The following ATAD3A variants were observed in gnomAD, a reference collection of about 807,000 sequenced individuals.
ATAD3A encodes ATPase family AAA domain-containing protein 3A.
In ATAD3A, 46 loss-of-function variants were observed where a neutral mutation model predicts 73.8. That is an observed-to-expected ratio of 0.62 (90% CI 0.49 to 0.80). The LOEUF (loss-of-function observed/expected upper bound fraction) is 0.80. Among genes scored for constraint, ATAD3A ranks in the 30% least tolerant of loss-of-function variants. The pLI, the probability that ATAD3A is intolerant of heterozygous loss-of-function variation, is 0.00. For missense variants in ATAD3A, 705 were observed against 838.0 expected (o/e 0.84, Z 1.96); for synonymous variants, 319 against 350.0 (o/e 0.91, Z 0.99).
At chr1:1,526,165 G>A (rs1029665734) in intron 12 of ATAD3A, among the ~76,000 whole-genome samples, 4 of 151,826 alleles carry the variant, frequency 2.6e-5, no homozygotes, top group Non-Finnish European at 5.9e-5. Context: ...TGGGACTACA[G>A]GTGCGCCACC....
rs561347903 is a variant in ATAD3A at position 1,520,250 on chromosome 1, C to T, written c.624C>T (p.Arg208=). 2.9e-5 allele frequency: 46 copies of T among 1,612,728 alleles called. No homozygotes were observed. Among genetic ancestry groups the T allele is most frequent in the South Asian group, 8.8e-5 (8 of 91,058 alleles). ...KAERENADII[R]EQIRLKAAEH... ...AGCGGGAGAATGCAGACATCATCCGCGAGCAGATCCGCCTGAAGGCGGCCG... is the reference window on the plus strand; with the variant it reads ...AGCGGGAGAATGCAGACATCATCCGTGAGCAGATCCGCCTGAAGGCGGCCG... Residue 208 remains arginine (R), a synonymous_variant, in exon 6 of 16, where the codon CGC becomes CGT. Coordinates refer to ENST00000378756, the MANE Select transcript of ATAD3A (RefSeq NM_001170535.3). The surrounding 1 kb of genome is among the most constrained non-coding windows in gnomAD (Gnocchi z 4.0).
At chr1:1,516,111 G>T (rs766313900) in intron 2 of ATAD3A, 23 bp downstream of exon 2, 2 of 1,612,546 alleles carry the variant, frequency 1.2e-6, no homozygotes, top group South Asian at 2.2e-5. Context: ...GGTGTGGGTG[G>T]GGAGGCCGGG....
rs1641221768 is a variant in ATAD3A at position 1,512,346 on chromosome 1, G to A, written c.78G>A (p.Gln26=). 2.4e-6 allele frequency: 3 copies of A among 1,243,896 alleles called. No homozygotes were observed. The allele number at this position is 1,243,896 out of a possible 1,614,324, so 77.1% of individuals were successfully genotyped here. A position where few individuals can be genotyped will look rare whatever the true frequency, so the allele number is the denominator to read the frequency against. The change falls in exon 1 of 16, where the codon CAG becomes CAA. Residue 26 remains glutamine, a synonymous_variant. Coordinates refer to ENST00000378756, the MANE Select transcript of ATAD3A (RefSeq NM_001170535.3). ...AGPPPPLPPA[Q]PGAEGGGDRG... is the part of the protein sequence containing the mutation. ...CGCCGCCGCCTTTGCCGCCCGCGCA[G>A]CCCGGGGCCGAGGGCGGCGGGGACC... is the stretch of plus-strand genomic sequence containing the variant.
intron 1 of ATAD3A, among the ~76,000 whole-genome samples, chr1:1,513,418 C>T (rs1218304699): frequency 6.6e-6 from 1 of 151,334 alleles, no homozygotes; most frequent in Non-Finnish European, 1.5e-5. Context: ...GCCGCCTCCC[C>T]ATAGTGCAGA....
chr1:1,520,179 G>C lies in ATAD3A; in HGVS notation c.553G>C (p.Glu185Gln), dbSNP rs1180974499. Residue 185 changes from glutamate (E) to glutamine (Q), a missense_variant, in exon 6 of 16, where the codon GAG (glutamate) becomes CAG (glutamine). By Grantham distance (29) the Glu-to-Gln change is conservative (BLOSUM62 2). Transcript: ENST00000378756. The surrounding 1 kb of genome is among the most constrained non-coding windows in gnomAD (Gnocchi z 4.0). ...EREMELRHKN[E>Q]MLRVEAEARA... ...GGAGATGGAGCTGCGGCACAAGAATGAGATGCTGCGAGTGGAGGCCGAGGC... is the reference window on the plus strand; with the variant it reads ...GGAGATGGAGCTGCGGCACAAGAATCAGATGCTGCGAGTGGAGGCCGAGGC... The C allele has an allele frequency of 5.0e-6, 8 of 1,611,926 alleles. No individual in the cohort carries two copies. The highest frequency in any genetic ancestry group is 6.8e-6 in the Non-Finnish European group (8 of 1,179,640).
chr1:1,518,666 TACACAC>T (rs113798902), intron 4 of ATAD3A, among the ~76,000 whole-genome samples: 1,477 of 41,288 alleles, frequency 0.036, 69 homozygotes, highest in African/African-American at 0.12. Context: ...CCCGCACGGG[TACACAC>T]ACACACACAC....
chr1:1,523,727 G>A lies in ATAD3A; in HGVS notation c.964-112G>A, dbSNP rs113128965. 2 of 1,590,014 alleles carry A rather than the reference G, an allele frequency of 1.3e-6. No homozygotes were observed. Among genetic ancestry groups the A allele is most frequent in the African/African-American group, 1.3e-5 (1 of 74,282 alleles). ...TGGGGATAGATAGGCTGCCCCTGAG[G>A]TGGGAGGCTTCCCGAGGAGCCGAGT... On this transcript the variant is annotated intron_variant, in intron 9 of 15. Transcript: ENST00000378756. The surrounding 1 kb of genome is among the most constrained non-coding windows in gnomAD (Gnocchi z 5.1).
At chr1:1,525,671 C>A (rs572565916) in intron 12 of ATAD3A, among the ~76,000 whole-genome samples, 8 of 152,196 alleles carry the variant, frequency 5.3e-5, no homozygotes, top group African/African-American at 1.9e-4. Flanking sequence ...GCCTTGGCCT[C>A]CCAAAGTGCT....
rs1172172694 is a variant in ATAD3A, at chr1:1,523,043, C to G, written c.906+144C>G. On this transcript the variant is annotated intron_variant, in intron 8 of 15. Coordinates refer to ENST00000378756, the MANE Select transcript of ATAD3A (RefSeq NM_001170535.3). The surrounding 1 kb of genome is among the most constrained non-coding windows in gnomAD (Gnocchi z 5.1). ...GCACACTGCTTCACGGGTGGGTTTTCCTGTCTGGCGCTGTACCTTAGGGGT... is the reference window on the plus strand; with the variant it reads ...GCACACTGCTTCACGGGTGGGTTTTGCTGTCTGGCGCTGTACCTTAGGGGT... 1 of 1,416,068 alleles carries G rather than the reference C, an allele frequency of 7.1e-7. No individual in the cohort carries two copies. 87.7% of individuals were successfully genotyped at this position (1,416,068 alleles called of 1,614,324 possible).
At chr1:1,528,324 CA>C (rs1309485167) in intron 14 of ATAD3A, among the ~76,000 whole-genome samples, 1 of 152,234 alleles carries the variant, frequency 6.6e-6, no homozygotes, top group Non-Finnish European at 1.5e-5. Context: ...CGGCCACCCC[CA>C]GGCCCTGGCT....
chr1:1,533,880 G>C, intron 15 of ATAD3A, 46 bp from the exon 16 acceptor site: 2 of 1,596,914 alleles, frequency 1.3e-6, no homozygotes, highest in South Asian at 1.1e-5. Flanking sequence ...ATTTGGGGTG[G>C]GGGGTTCCCA....
chr1:1,531,065 G>A (rs1027960548), intron 15 of ATAD3A, among the ~76,000 whole-genome samples: 1 of 152,116 alleles, frequency 6.6e-6, no homozygotes, highest in African/African-American at 2.4e-5. Context: ...GGCTGAGCCA[G>A]GAGAATCTCT....
Position 1,520,200 on chromosome 1 carries a change from G to A in ATAD3A, c.574G>A (p.Glu192Lys), listed in dbSNP as rs773159341. The change falls in exon 6 of 16, where the codon GAG (glutamate) becomes AAG (lysine). Residue 192 changes from glutamate to lysine, a missense_variant. Glu to Lys is a moderately conservative substitution (Grantham distance 56). This residue lies in a region of ATAD3A where 315 missense variants were observed against 334.1 expected (regional missense o/e 0.94). Coordinates refer to ENST00000378756, the MANE Select transcript of ATAD3A (RefSeq NM_001170535.3). The surrounding 1 kb of genome is among the most constrained non-coding windows in gnomAD (Gnocchi z 4.0). ...GAATGAGATGCTGCGAGTGGAGGCC[G>A]AGGCCCGGGCGCGCGCCAAGGCCGA... ...HKNEMLRVEAEARARAKAERE... is the reference protein window; with the variant it reads ...HKNEMLRVEAKARARAKAERE... 3 of 1,611,950 alleles carry A rather than the reference G, an allele frequency of 1.9e-6. No homozygotes were observed. Among genetic ancestry groups the A allele is most frequent in the African/African-American group, 1.3e-5 (1 of 75,024 alleles).
At chr1:1,533,504 G>T (rs543601575) in intron 15 of ATAD3A, among the ~76,000 whole-genome samples, 9 of 152,290 alleles carry the variant, frequency 5.9e-5, no homozygotes, top group African/African-American at 2.2e-4. Context: ...CTCAAGGTGG[G>T]CAGTGGCTGC....
intron 2 of ATAD3A, chr1:1,517,082 C>G: frequency 4.0e-6 from 6 of 1,518,660 alleles, no homozygotes; most frequent in Non-Finnish European, 4.4e-6. Context: ...TGTCCGGCCT[C>G]CCTCCCGGGG....
In ATAD3A at chr1:1,523,211, G is replaced by C. The variant is rs1352294584; in HGVS notation, c.907-300G>C. On this transcript the variant is annotated intron_variant, in intron 8 of 15. Transcript: ENST00000378756. The surrounding 1 kb of genome is among the most constrained non-coding windows in gnomAD (Gnocchi z 5.1). ...TATCAGGGAAGCTGCTACAGGCCAC[G>C]GCGTCTGGTGGCCTCCCTGGGGAGC... Among the ~76,000 whole-genome samples, 1 of 152,068 alleles carries C rather than the reference G, an allele frequency of 6.6e-6. No individual in the cohort carries two copies. The highest frequency in any genetic ancestry group is 1.5e-5 in the Non-Finnish European group (1 of 68,008).
In ATAD3A at chr1:1,533,984, T is replaced by A; in HGVS notation, c.1673T>A (p.Val558Glu). ...VLTEAMMDTR[V>E]QDAVQQHQQK... ...ACCGAGGCCATGATGGACACCCGCGTGCAAGATGCTGTCCAGCAGCACCAG... is the reference window on the plus strand; with the variant it reads ...ACCGAGGCCATGATGGACACCCGCGAGCAAGATGCTGTCCAGCAGCACCAG... Residue 558 changes from valine (V) to glutamate (E), a missense_variant, in exon 16 of 16, where the codon GTG (valine) becomes GAG (glutamate). Physicochemically the swap from Val to Glu is moderately radical, Grantham distance 121 (BLOSUM62 -2). Around this residue, in one of 5 missense-constraint regions of ATAD3A, gnomAD observed 252 missense variants for 278.5 expected, o/e 0.90. Transcript: ENST00000378756. 1 of 1,613,520 alleles carries A rather than the reference T, an allele frequency of 6.2e-7. No homozygotes were observed. Among genetic ancestry groups the A allele is most frequent in the South Asian group, 1.1e-5 (1 of 91,078 alleles).
In ATAD3A at chr1:1,529,833, C is replaced by T. The variant is rs111990766; in HGVS notation, c.1614+502C>T. Among the ~76,000 whole-genome samples the T allele has an allele frequency of 3.7e-3, 563 of 152,328 alleles. 4 individuals are homozygous for T. The highest frequency in any genetic ancestry group is 0.013 in the African/African-American group (531 of 41,570). Reference sequence around the variant, plus strand: ...TTCGGGGACACCCCTCCTGCAGCTCCGTGGCTGCTCCAGGGCTGAGGAGCC... The same window carrying T: ...TTCGGGGACACCCCTCCTGCAGCTCTGTGGCTGCTCCAGGGCTGAGGAGCC... On this transcript the variant is annotated intron_variant, in intron 15 of 15. Transcript: ENST00000378756.
intron 13 of ATAD3A, among the ~76,000 whole-genome samples, chr1:1,526,824 G>A (rs1293697120): frequency 6.6e-6 from 1 of 152,224 alleles, no homozygotes; most frequent in Admixed American, 6.5e-5. Flanking sequence ...CTGCGGTCCT[G>A]TGCCTGCAAG....
Sources: allele counts gnomAD v4.1 joint callset (sites outside exome capture counted in the v4.1 genomes callset), GRCh38; gene constraint gnomAD v4.1.1; regional missense constraint gnomAD v4.1.1; non-coding constraint Gnocchi (gnomAD v3.1); transcripts MANE v1.5; gene names NCBI Gene and HGNC (gene_info 2026-07-23, HGNC 2026-07-21).